R3HDML: variants seen among roughly 807,000 people sequenced by gnomAD.
R3HDML encodes peptidase inhibitor R3HDML.
R3HDML carries 21 observed loss-of-function variants against 24.2 expected under a neutral mutation model. The ratio of observed to expected loss-of-function variants is 0.87; its 90% CI spans 0.62 to 1.25. The LOEUF (loss-of-function observed/expected upper bound fraction) is 1.25. R3HDML is among the 50% of genes most tolerant of loss of function. The pLI is 0.00. For missense variants in R3HDML, 301 were observed against 340.3 expected, an observed-to-expected ratio of 0.88 and a Z score of 0.91; for synonymous variants, 133 against 131.5, an observed-to-expected ratio of 1.01 and a Z score of -0.08.
intron 2 of R3HDML, among the ~76,000 whole-genome samples, chr20:44,341,779 G>A (rs893834209): frequency 1.4e-4 from 22 of 152,164 alleles, no homozygotes; most frequent in African/African-American, 5.3e-4. Flanking sequence ...CAAGTACTCG[G>A]GAGGCTGAGG....
At chr20:44,343,294 C>T in intron 2 of R3HDML, 83 bp from the exon 3 acceptor site, 2 of 1,513,906 alleles carry the variant, frequency 1.3e-6, no homozygotes, top group Non-Finnish European at 1.8e-6. Flanking sequence ...GCAAAGTGAT[C>T]ACCCAAGGTC....
chr20:44,341,124 G>C, intron 1 of R3HDML, 72 bp from the exon 2 acceptor site: 1 of 1,262,786 alleles, frequency 7.9e-7, no homozygotes, highest in Non-Finnish European at 1.1e-6. Flanking sequence ...CCAGGTAAAT[G>C]TGCATCTCTG....
At chr20:44,348,533 A>C (rs2062797565) in intron 4 of R3HDML, among the ~76,000 whole-genome samples, 1 of 103,640 alleles carries the variant, frequency 9.6e-6, no homozygotes, top group Admixed American at 9.7e-5. Context: ...TCTTCTGTCC[A>C]GCTCTGTCAC....
chr20:44,342,332 T>G (rs2062774413), intron 2 of R3HDML, among the ~76,000 whole-genome samples: 1 of 152,038 alleles, frequency 6.6e-6, no homozygotes, highest in Non-Finnish European at 1.5e-5. Flanking sequence ...CTGTCTGTGT[T>G]TTTTCATGTC....
In R3HDML at chr20:44,337,127, C is replaced by A. The variant is rs955256351; in HGVS notation, c.-31C>A. ...TTCCAGGCAGCCGGCTCTGATTGCA[C>A]AAGGCAGACCTGTGACTCCTCCATC... is the stretch of plus-strand genomic sequence containing the variant. On this transcript the variant is annotated 5_prime_UTR_variant, in exon 1 of 5. Transcript: ENST00000217043. This position sits in a 1 kb window ranked among gnomAD's most constrained non-coding sequence, Gnocchi z 4.7. 3 of 1,594,006 alleles carry A rather than the reference C, an allele frequency of 1.9e-6. No individual in the cohort carries two copies. The highest frequency in any genetic ancestry group is 1.7e-5 in the Admixed American group (1 of 59,010).
intron 4 of R3HDML, among the ~76,000 whole-genome samples, chr20:44,348,907 CTG>C (rs1399835294): frequency 6.6e-6 from 1 of 151,986 alleles, no homozygotes; most frequent in Non-Finnish European, 1.5e-5. Flanking sequence ...TCCCAGCACT[CTG>C]AGAGGCCGAG....
chr20:44,338,653 G>T (rs1307113221), intron 1 of R3HDML, among the ~76,000 whole-genome samples: 1 of 152,176 alleles, frequency 6.6e-6, no homozygotes, highest in African/African-American at 2.4e-5. Flanking sequence ...GAGCAGAGAG[G>T]GTTCAATATC....
At chr20:44,344,067 A>G (rs888025822) in intron 3 of R3HDML, among the ~76,000 whole-genome samples, 1 of 152,068 alleles carries the variant, frequency 6.6e-6, no homozygotes, top group African/African-American at 2.4e-5. Flanking sequence ...GGATCACGAG[A>G]TCAGGAGATC....
At chr20:44,350,527 G>A in intron 4 of R3HDML, 133 bp from the exon 5 acceptor site, 1 of 721,822 alleles carries the variant, frequency 1.4e-6, no homozygotes, top group Non-Finnish European at 2.1e-6. Flanking sequence ...AGAAAAAAAA[G>A]AAACCAAGGC....
chr20:44,345,221 TGAG>T, intron 3 of R3HDML, 39 bp from the exon 4 acceptor site: 1 of 1,529,710 alleles, frequency 6.5e-7, no homozygotes. Flanking sequence ...TGGGTCCCAC[TGAG>T]CCCTTCTCAT....
chr20:44,341,360 C>A, intron 2 of R3HDML, 46 bp downstream of exon 2: 1 of 1,435,886 alleles, frequency 7.0e-7, no homozygotes, highest in Non-Finnish European at 9.8e-7. Context: ...TCAACAAATA[C>A]TCATTGAACA....
At chr20:44,345,829 C>CTTTCTTTTTTTTTTTTTTTTTTTTTTTT (rs1428987914) in intron 4 of R3HDML, among the ~76,000 whole-genome samples, 6 of 147,772 alleles carry the variant, frequency 4.1e-5, no homozygotes, top group African/African-American at 4.9e-5. Flanking sequence ...TTCTTTCTTT[C>CTTTCTTTTTTTTTTTTTTTTTTTTTTTT]TTTTTTTTGA....
intron 3 of R3HDML, 72 bp downstream of exon 3, chr20:44,343,581 G>A: frequency 6.9e-7 from 1 of 1,440,794 alleles, no homozygotes; most frequent in Middle Eastern, 1.8e-4. Context: ...GGAATGTGTG[G>A]AGCAGAAATA....
intron 3 of R3HDML, chr20:44,345,025 G>C: frequency 5.6e-6 from 3 of 536,988 alleles, no homozygotes; most frequent in Non-Finnish European, 9.9e-6. Flanking sequence ...GTATGTGTGT[G>C]TCTGTTTGTA....
In R3HDML at chr20:44,345,829, C is replaced by CTTTCTTTTTTTTTTTTTTTTTTT. The variant is rs1428987914; in HGVS notation, c.629+454_629+455insCTTTTTTTTTTTTTTTTTTTTTT. Reference sequence around the variant, plus strand: ...TAATCCATTTTTTCTTTCTTTCTTTCTTTTTTTTGAGAAGAGGCCTTGCTC... The same window carrying CTTTCTTTTTTTTTTTTTTTTTTT: ...TAATCCATTTTTTCTTTCTTTCTTTCTTTCTTTTTTTTTTTTTTTTTTTTTTTTTTTGAGAAGAGGCCTTGCTC... On this transcript the variant is annotated intron_variant, in intron 4 of 4. Transcript: ENST00000217043. 7.9e-4 allele frequency among the ~76,000 whole-genome samples: 117 copies of CTTTCTTTTTTTTTTTTTTTTTTT among 147,816 alleles called. 2 individuals carry two copies. The highest frequency in any genetic ancestry group is 1.4e-3 in the Non-Finnish European group (89 of 65,924).
At chr20:44,345,639 TA>T (rs994008269) in intron 4 of R3HDML, among the ~76,000 whole-genome samples, 40 of 146,206 alleles carry the variant, frequency 2.7e-4, no homozygotes, top group African/African-American at 4.5e-4. Flanking sequence ...CCCCAACTCT[TA>T]AAAAAAAAAA....
intron 2 of R3HDML, among the ~76,000 whole-genome samples, chr20:44,342,482 T>G (rs1313237460): frequency 2.0e-5 from 3 of 152,124 alleles, no homozygotes; most frequent in Non-Finnish European, 1.5e-5. Flanking sequence ...CCTGCCAGAC[T>G]CCACCCCTAC....
rs369305382 is a variant in R3HDML at position 44,341,240 on chromosome 20, C to G, written c.306C>G (p.Thr102=). The change falls in exon 2 of 5, where the codon ACC becomes ACG. Residue 102 remains threonine, a synonymous_variant. Coordinates refer to ENST00000217043, the MANE Select transcript of R3HDML (RefSeq NM_178491.4). ...CCAGGGCTGCCGAAGCCTGGGCCAC[C>G]CAGTGCATCTGGGCACATGGGCCTT... ...RLARAAEAWA[T]QCIWAHGPSQ... 24 of 1,614,078 alleles carry G rather than the reference C, an allele frequency of 1.5e-5. No individual in the cohort carries two copies. The South Asian group carries it at 2.6e-4, about 18-fold the overall frequency.
At chr20:44,348,505 CTTTCCTTTCCTTTCT>C (rs1399829291) in intron 4 of R3HDML, among the ~76,000 whole-genome samples, 7 of 90,958 alleles carry the variant, frequency 7.7e-5, no homozygotes, top group South Asian at 7.3e-4. Flanking sequence ...CTTTCCTTTC[CTTTCCTTTCCTTTCT>C]TTTCTTCTGT....
Sources: allele counts gnomAD v4.1 joint callset (sites outside exome capture counted in the v4.1 genomes callset), GRCh38; gene constraint gnomAD v4.1.1; non-coding constraint Gnocchi (gnomAD v3.1); transcripts MANE v1.5; gene names NCBI Gene and HGNC (gene_info 2026-07-23, HGNC 2026-07-21).